SLC25A21: variants seen among roughly 807,000 people sequenced by gnomAD.
SLC25A21 encodes mitochondrial 2-oxodicarboxylate carrier.
SLC25A21 carries 47 observed loss-of-function variants against 43.8 expected under a neutral mutation model. The ratio of observed to expected loss-of-function variants is 1.07; its 90% CI spans 0.85 to 1.37. The LOEUF is 1.37. Ranked by LOEUF, SLC25A21 falls within the 40% of genes most tolerant of loss-of-function variation. The probability of loss-of-function intolerance (pLI) is 0.00; values close to 1 mark genes in which losing one functional copy is unlikely to be tolerated. For synonymous variants in SLC25A21, 131 were observed against 121.3 expected, an observed-to-expected ratio of 1.08 and a Z score of -0.52; for missense variants, 352 against 350.2, an observed-to-expected ratio of 1.00 and a Z score of -0.04.
intron 7 of SLC25A21, among the ~76,000 whole-genome samples, chr14:36,701,811 T>C (rs1034239822): frequency 1.3e-5 from 2 of 152,180 alleles, no homozygotes; most frequent in African/African-American, 2.4e-5. Context: ...ATTTCTGTTG[T>C]AGTGTGTTCT....
At chr14:37,118,030 C>T (rs1281339301) in intron 1 of SLC25A21, among the ~76,000 whole-genome samples, 1 of 151,966 alleles carries the variant, frequency 6.6e-6, no homozygotes, top group Non-Finnish European at 1.5e-5. Flanking sequence ...AATAGCCCTC[C>T]CCAGAAACTA....
chr14:36,811,159 A>G (rs922339162), intron 3 of SLC25A21, among the ~76,000 whole-genome samples: 3 of 152,192 alleles, frequency 2.0e-5, no homozygotes, highest in Non-Finnish European at 2.9e-5. Flanking sequence ...AAAGCTCTGC[A>G]CACCATGACA....
intron 1 of SLC25A21, among the ~76,000 whole-genome samples, chr14:36,958,002 A>G (rs892564282): frequency 6.6e-6 from 1 of 152,240 alleles, no homozygotes; most frequent in Admixed American, 6.5e-5. Context: ...ATAACATAGG[A>G]CATGGCTGGG....
At chr14:36,769,257 TTTCTA>T (rs1352982625) in intron 3 of SLC25A21, among the ~76,000 whole-genome samples, 4 of 152,224 alleles carry the variant, frequency 2.6e-5, no homozygotes, top group Non-Finnish European at 4.4e-5. Flanking sequence ...CTTTTGAATA[TTTCTA>T]TTCTATTTCC....
chr14:36,743,375 T>C (rs1427247440), intron 3 of SLC25A21, among the ~76,000 whole-genome samples: 1 of 151,194 alleles, frequency 6.6e-6, no homozygotes, highest in Non-Finnish European at 1.5e-5. Context: ...TAGGAAATAA[T>C]AATCATCAAA....
chr14:36,707,414 T>G (rs1883620888), intron 7 of SLC25A21, among the ~76,000 whole-genome samples: 1 of 152,228 alleles, frequency 6.6e-6, no homozygotes, highest in African/African-American at 2.4e-5. Context: ...CAATGATGAC[T>G]GAAAGCCAGG....
chr14:36,879,984 A>G (rs553075582), intron 1 of SLC25A21, among the ~76,000 whole-genome samples: 9 of 152,218 alleles, frequency 5.9e-5, no homozygotes, highest in African/African-American at 2.2e-4. Context: ...TAACCTTCAG[A>G]TCTCAATTTA....
Position 37,125,475 on chromosome 14 carries a change from T to C in SLC25A21, c.70+46806A>G, listed in dbSNP as rs1240635399. On this transcript the variant is annotated intron_variant, in intron 1 of 9. Transcript: ENST00000331299. Reference sequence around the variant, plus strand: ...GAATAGATGATCTCCAAGTCCCTTCTAATGCTAGATTTTATTATTTGGGAT... The same window carrying C: ...GAATAGATGATCTCCAAGTCCCTTCCAATGCTAGATTTTATTATTTGGGAT... Among the ~76,000 whole-genome samples the C allele has an allele frequency of 3.3e-5, 5 of 152,196 alleles. 1 individual carries two copies. Among genetic ancestry groups the C allele is most frequent in the African/African-American group, 9.7e-5 (4 of 41,440 alleles).
rs147357593 is a variant in SLC25A21 at position 36,770,021 on chromosome 14, C to T, written c.204-35448G>A. 4.9e-3 allele frequency among the ~76,000 whole-genome samples: 740 copies of T among 152,232 alleles called. 10 individuals are homozygous for T. Among genetic ancestry groups the T allele is most frequent in the African/African-American group, 0.016 (684 of 41,546 alleles). On this transcript the variant is annotated intron_variant, in intron 3 of 9. Transcript: ENST00000331299. ...ATATCTGTAGTAAGCCATCTAGAAT[C>T]CATCCTTCCCCAGTCAATGGGCTCT... is the stretch of plus-strand genomic sequence containing the variant.
At chr14:36,782,926 C>T (rs983900219) in intron 3 of SLC25A21, among the ~76,000 whole-genome samples, 2 of 143,026 alleles carry the variant, frequency 1.4e-5, no homozygotes, top group African/African-American at 2.6e-5. Context: ...ACAATGTGCA[C>T]ATGTACCCTA....
chr14:36,792,915 A>G (rs1350569935), intron 3 of SLC25A21, among the ~76,000 whole-genome samples: 1 of 152,104 alleles, frequency 6.6e-6, no homozygotes, highest in Non-Finnish European at 1.5e-5. Context: ...ATCCTACCAC[A>G]TGCTATACCC....
At chr14:37,151,664 G>A (rs1334101628) in intron 1 of SLC25A21, among the ~76,000 whole-genome samples, 1 of 152,154 alleles carries the variant, frequency 6.6e-6, no homozygotes, top group Non-Finnish European at 1.5e-5. Context: ...CTCAAGCTTT[G>A]AAAGCAAAGA....
At chr14:37,098,800 G>C (rs894763175) in intron 1 of SLC25A21, among the ~76,000 whole-genome samples, 3 of 84,376 alleles carry the variant, frequency 3.6e-5, no homozygotes, top group Non-Finnish European at 6.5e-5. Flanking sequence ...TAGATAGATA[G>C]ATAGATTTTT....
chr14:37,154,268 T>C (rs766025839), intron 1 of SLC25A21, among the ~76,000 whole-genome samples: 1 of 152,140 alleles, frequency 6.6e-6, no homozygotes, highest in African/African-American at 2.4e-5. Flanking sequence ...TAATCCTGTT[T>C]AGAGCCAAAG....
intron 1 of SLC25A21, among the ~76,000 whole-genome samples, chr14:36,954,178 C>G (rs1566766959): frequency 6.6e-6 from 1 of 152,106 alleles, no homozygotes; most frequent in East Asian, 1.9e-4. Flanking sequence ...GATGCATCAT[C>G]CCCAGTAAAA....
At chr14:37,084,461 A>C (rs1446440203) in intron 1 of SLC25A21, among the ~76,000 whole-genome samples, 1 of 152,196 alleles carries the variant, frequency 6.6e-6, no homozygotes, top group Non-Finnish European at 1.5e-5. Context: ...AGTTCAGTCT[A>C]CTTTTTATTT....
intron 9 of SLC25A21, among the ~76,000 whole-genome samples, chr14:36,682,314 G>T (rs1667768037): frequency 6.6e-6 from 1 of 152,146 alleles, no homozygotes; most frequent in African/African-American, 2.4e-5. Context: ...GGAATGAAGT[G>T]GAGGGCAGGT....
At chr14:37,087,112 C>A (rs997151788) in intron 1 of SLC25A21, among the ~76,000 whole-genome samples, 1 of 152,130 alleles carries the variant, frequency 6.6e-6, no homozygotes, top group Non-Finnish European at 1.5e-5. Context: ...TCACATCTTT[C>A]TTCATTAAAC....
chr14:37,159,059 A>C (rs778401548), intron 1 of SLC25A21, among the ~76,000 whole-genome samples: 1 of 152,122 alleles, frequency 6.6e-6, no homozygotes, highest in Non-Finnish European at 1.5e-5. Context: ...GGAAAACTAC[A>C]AAACACTGTA....
Sources: allele counts gnomAD v4.1 joint callset (sites outside exome capture counted in the v4.1 genomes callset), GRCh38; gene constraint gnomAD v4.1.1; transcripts MANE v1.5; gene names NCBI Gene and HGNC (gene_info 2026-07-23, HGNC 2026-07-21).